ZNF26: variants seen among roughly 807,000 people sequenced by gnomAD.
The protein encoded by ZNF26 is zinc finger protein 26, also known as epididymis luminal protein 179.
Under a neutral mutation model 54.9 loss-of-function variants are expected in ZNF26, and 32 were observed. The ratio of observed to expected loss-of-function variants is 0.58; its 90% CI spans 0.44 to 0.78. The LOEUF (loss-of-function observed/expected upper bound fraction) is 0.78, where lower values mean the gene tolerates loss of function less well. ZNF26 is among the 30% of genes least tolerant of loss of function. The probability of loss-of-function intolerance (pLI) is 0.00; values close to 1 mark genes in which losing one functional copy is unlikely to be tolerated. For missense variants in ZNF26, 524 were observed against 634.0 expected, an observed-to-expected ratio of 0.83 and a Z score of 1.86; for synonymous variants, 221 against 209.2, an observed-to-expected ratio of 1.06 and a Z score of -0.49.
At chr12:132,999,693 A>G (rs1416134968) in intron 1 of ZNF26, among the ~76,000 whole-genome samples, 12 of 151,700 alleles carry the variant, frequency 7.9e-5, no homozygotes, top group East Asian at 5.9e-4. Context: ...GAAAGTGTTG[A>G]AAAAAAAATT....
intron 3 of ZNF26, among the ~76,000 whole-genome samples, chr12:133,009,141 G>A (rs1477154247): frequency 1.3e-5 from 2 of 152,178 alleles, no homozygotes; most frequent in African/African-American, 4.8e-5. Context: ...ACTTGGGTGG[G>A]GACAGATACC....
chr12:133,020,955 T>C lies in ZNF26; in HGVS notation c.*9474T>C, dbSNP rs1027769160. ...GTCCTCATTTTAACATTGTTAACTC[T>C]GTACAGACCCTCTCTCCAAATAAGG... On this transcript the variant is annotated 3_prime_UTR_variant, in exon 4 of 4. Transcript: ENST00000328654. The C allele has an allele frequency of 6.6e-6, 1 of 152,152 alleles. No individual in the cohort carries two copies. The highest frequency in any genetic ancestry group is 6.6e-5 in the Admixed American group (1 of 15,260). The allele number at this position is 152,152 out of a possible 1,614,324, so 9.4% of individuals were successfully genotyped here. A position where few individuals can be genotyped will look rare whatever the true frequency, so the allele number is the denominator to read the frequency against.
chr12:132,999,654 C>G (rs1953168257), intron 1 of ZNF26, among the ~76,000 whole-genome samples: 1 of 152,028 alleles, frequency 6.6e-6, no homozygotes. Context: ...AAGGAAATTC[C>G]TTGTACTTTG....
rs1953647130 is a variant in ZNF26, at chr12:133,021,836, T to G, written c.*10355T>G. The G allele has an allele frequency of 6.6e-6, 1 of 152,084 alleles. No homozygotes were observed. The highest frequency in any genetic ancestry group is 2.4e-5 in the African/African-American group (1 of 41,424). 9.4% of individuals were successfully genotyped at this position (152,084 alleles called of 1,614,324 possible). On this transcript the variant is annotated 3_prime_UTR_variant, in exon 4 of 4. Transcript: ENST00000328654. ...ATGGTAAAAATTTGAGGAATATTGG[T>G]AAAGAATATTTACAAATTCATTATC...
rs1396464472 is a variant in ZNF26 at position 133,020,630 on chromosome 12, A to T, written c.*9149A>T. On this transcript the variant is annotated 3_prime_UTR_variant, in exon 4 of 4. Coordinates refer to ENST00000328654, the MANE Select transcript of ZNF26 (RefSeq NM_019591.4). ...TTGGAGACTTAATATCCCACTTTCA[A>T]TATTAGAACAATCGTATAAGTTGTC... 2 of 152,212 alleles carry T rather than the reference A, an allele frequency of 1.3e-5. No homozygotes were observed. Among genetic ancestry groups the T allele is most frequent in the African/African-American group, 4.8e-5 (2 of 41,450 alleles). 9.4% of individuals were successfully genotyped at this position (152,212 alleles called of 1,614,324 possible).
Position 133,014,549 on chromosome 12 carries a change from G to GT in ZNF26, c.*3083dup, listed in dbSNP as rs34053094. 1,022 of 141,158 alleles carry GT rather than the reference G, an allele frequency of 7.2e-3. 3 individuals are homozygous for GT. Among genetic ancestry groups the GT allele is most frequent in the Admixed American group, 0.019 (273 of 14,006 alleles). The allele number at this position is 141,158 out of a possible 1,614,324, so 8.7% of individuals were successfully genotyped here. A position where few individuals can be genotyped will look rare whatever the true frequency, so the allele number is the denominator to read the frequency against. The stretch of plus-strand genomic sequence containing the variant: ...TCTGTTTTTTTTTTTGTTTTGTTTT[G>GT]TTTTTTTTTTTTTTTGAGACGGAGT... On this transcript the variant is annotated 3_prime_UTR_variant, in exon 4 of 4. Transcript: ENST00000328654.
rs1953588572 is a variant in ZNF26, at chr12:133,017,928, GA to G, written c.*6449del. ...GGAGGCTGAGGCAGGAGAATGGCTTGAACCCAGGAGGCAGAGGTTGCAGTGA... is the reference window on the plus strand; with the variant it reads ...GGAGGCTGAGGCAGGAGAATGGCTTGACCCAGGAGGCAGAGGTTGCAGTGA... On this transcript the variant is annotated 3_prime_UTR_variant, in exon 4 of 4. Coordinates refer to ENST00000328654, the MANE Select transcript of ZNF26 (RefSeq NM_019591.4). 1 of 152,202 alleles carries G rather than the reference GA, an allele frequency of 6.6e-6. No individual in the cohort carries two copies. The allele number at this position is 152,202 out of a possible 1,614,324, so 9.4% of individuals were successfully genotyped here. A position where few individuals can be genotyped will look rare whatever the true frequency, so the allele number is the denominator to read the frequency against.
chr12:132,999,401 C>T (rs1205826952), intron 1 of ZNF26, among the ~76,000 whole-genome samples: 1 of 151,190 alleles, frequency 6.6e-6, no homozygotes, highest in African/African-American at 2.4e-5. Flanking sequence ...GATACAGGCG[C>T]CCACCACCAC....
Position 133,006,884 on chromosome 12 carries a change from C to G in ZNF26, c.34-158C>G, listed in dbSNP as rs1171499215. 3.0e-6 allele frequency: 3 copies of G among 1,009,628 alleles called. No individual in the cohort carries two copies. In the African/African-American group the frequency reaches 4.8e-5, roughly 16 times the overall value. The allele number at this position is 1,009,628 out of a possible 1,614,324, so 62.5% of individuals were successfully genotyped here. On this transcript the variant is annotated intron_variant, in intron 1 of 3. Coordinates refer to ENST00000328654, the MANE Select transcript of ZNF26 (RefSeq NM_019591.4). ...CTGGCGTGAGCCACCGTGCCTGGCA[C>G]TCCTTGATTGATTTTTAATTCTCTC...
chr12:133,002,732 T>A (rs1953246348), intron 1 of ZNF26, among the ~76,000 whole-genome samples: 1 of 152,094 alleles, frequency 6.6e-6, no homozygotes, highest in South Asian at 2.1e-4. Flanking sequence ...CAAGCGATTC[T>A]CCTGTCTCAG....
Position 133,018,313 on chromosome 12 carries a change from C to G in ZNF26, c.*6832C>G, listed in dbSNP as rs374586924. The G allele has an allele frequency of 6.6e-5, 10 of 152,060 alleles. No homozygotes were observed. The highest frequency in any genetic ancestry group is 2.1e-4 in the South Asian group (1 of 4,826). The allele number at this position is 152,060 out of a possible 1,614,324, so 9.4% of individuals were successfully genotyped here. On this transcript the variant is annotated 3_prime_UTR_variant, in exon 4 of 4. Coordinates refer to ENST00000328654, the MANE Select transcript of ZNF26 (RefSeq NM_019591.4). ...CAATATTTATAGCAATGTGTTGTTGCATTTGTAACATAGATATATATATCA... is the reference window on the plus strand; with the variant it reads ...CAATATTTATAGCAATGTGTTGTTGGATTTGTAACATAGATATATATATCA...
intron 1 of ZNF26, among the ~76,000 whole-genome samples, chr12:132,999,503 C>T (rs1481888179): frequency 1.3e-5 from 2 of 152,132 alleles, no homozygotes; most frequent in Non-Finnish European, 2.9e-5. Context: ...TATTTGCCTG[C>T]CTCAGCCTCC....
rs1345662436 is a variant in ZNF26 at position 133,001,949 on chromosome 12, G to A, written c.34-5093G>A. ...CGGCTGTTGCAGATGTCCAGGTTGT[G>A]TGTGGGGCACTTGCACAGTCCCCTT... On this transcript the variant is annotated intron_variant, in intron 1 of 3. Transcript: ENST00000328654. This position sits in a 1 kb window ranked among gnomAD's most constrained non-coding sequence, Gnocchi z 4.7. Among the ~76,000 whole-genome samples the A allele has an allele frequency of 6.6e-6, 1 of 152,170 alleles. No individual in the cohort carries two copies. Among genetic ancestry groups the A allele is most frequent in the Non-Finnish European group, 1.5e-5 (1 of 68,044 alleles).
chr12:133,009,447 C>A, intron 3 of ZNF26, among the ~76,000 whole-genome samples: 1 of 152,090 alleles, frequency 6.6e-6, no homozygotes, highest in East Asian at 1.9e-4. Flanking sequence ...CAAAAATTAG[C>A]TGGGCATGAT....
chr12:133,022,619 T>C lies in ZNF26; in HGVS notation c.*11138T>C, dbSNP rs1321241427. On this transcript the variant is annotated 3_prime_UTR_variant, in exon 4 of 4. Transcript: ENST00000328654. ...TAAGGGATCTCTGCATTATTTTGTATACTCTAGGTGAAACTATCTCAATAC... is the reference window on the plus strand; with the variant it reads ...TAAGGGATCTCTGCATTATTTTGTACACTCTAGGTGAAACTATCTCAATAC... 2.0e-5 allele frequency: 3 copies of C among 152,222 alleles called. No homozygotes were observed. The highest frequency in any genetic ancestry group is 4.4e-5 in the Non-Finnish European group (3 of 68,044). 9.4% of individuals were successfully genotyped at this position (152,222 alleles called of 1,614,324 possible). A position where few individuals can be genotyped will look rare whatever the true frequency, so the allele number is the denominator to read the frequency against.
intron 1 of ZNF26, chr12:133,006,210 T>G: frequency 1.0e-6 from 1 of 985,392 alleles, no homozygotes; most frequent in Non-Finnish European, 1.2e-6. Flanking sequence ...GGAAGCCATG[T>G]AAGGTGGAGC....
Position 132,986,812 on chromosome 12 carries a change from GCAGGCAGCGCGCGAA to G in ZNF26, c.-27_-13del. On this transcript the variant is annotated 5_prime_UTR_variant, in exon 1 of 4. Coordinates refer to ENST00000328654, the MANE Select transcript of ZNF26 (RefSeq NM_019591.4). Reference sequence around the variant, plus strand: ...TCCGCAGCCCGCGGGTCCTGCCCCCGCAGGCAGCGCGCGAACGTGGGCGTGGGGATGGCCACCAGT... The same window carrying G: ...TCCGCAGCCCGCGGGTCCTGCCCCCGCGTGGGCGTGGGGATGGCCACCAGT... 6.3e-7 allele frequency: 1 copy of G among 1,594,524 alleles called. No individual in the cohort carries two copies. The highest frequency in any genetic ancestry group is 1.1e-5 in the South Asian group (1 of 88,090).
In ZNF26 at chr12:132,992,539, T is replaced by G. The variant is rs946234577; in HGVS notation, c.33+5666T>G. Among the ~76,000 whole-genome samples the G allele has an allele frequency of 3.3e-5, 5 of 152,216 alleles. No individual in the cohort carries two copies. The East Asian group carries it at 9.6e-4, about 29-fold the overall frequency. On this transcript the variant is annotated intron_variant, in intron 1 of 3. Transcript: ENST00000328654. The stretch of plus-strand genomic sequence containing the variant: ...TTACTTCAGCGAAATTTTCAGTAAT[T>G]ATTGTTTCATATATAGATGCTCCTT...
rs1953662541 is a variant in ZNF26 at position 133,023,042 on chromosome 12, G to A, written c.*11561G>A. On this transcript the variant is annotated 3_prime_UTR_variant, in exon 4 of 4. Transcript: ENST00000328654. ...GGCTTCAAGTTATTTTTAATTTTCTGTTTGGGTGAAAGATTCAAGAGCATT... is the reference window on the plus strand; with the variant it reads ...GGCTTCAAGTTATTTTTAATTTTCTATTTGGGTGAAAGATTCAAGAGCATT... 6.6e-6 allele frequency: 1 copy of A among 152,168 alleles called. No individual in the cohort carries two copies. The allele number at this position is 152,168 out of a possible 1,614,324, so 9.4% of individuals were successfully genotyped here.
Sources: allele counts gnomAD v4.1 joint callset (sites outside exome capture counted in the v4.1 genomes callset), GRCh38; gene constraint gnomAD v4.1.1; non-coding constraint Gnocchi (gnomAD v3.1); transcripts MANE v1.5; gene names NCBI Gene and HGNC (gene_info 2026-07-23, HGNC 2026-07-21).